The following SMAD5 variants were observed in gnomAD, a reference collection of about 807,000 sequenced individuals.
SMAD5 encodes SMAD family member 5.
A neutral mutation model predicts 43.1 loss-of-function variants in SMAD5; 9 were observed. That is an observed-to-expected ratio of 0.21 (90% CI 0.13 to 0.36). The LOEUF is 0.36. SMAD5 is among the 10% of genes least tolerant of loss of function. The pLI, the probability that SMAD5 is intolerant of heterozygous loss-of-function variation, is 1.00. For synonymous variants in SMAD5, 190 were observed against 192.4 expected (o/e 0.99, Z 0.10); for missense variants, 348 against 574.0 (o/e 0.61, Z 4.02).
At chr5:136,134,753 T>G (rs1386265828) in intron 1 of SMAD5, 1 of 152,262 alleles carries the variant, frequency 6.6e-6, no homozygotes, top group African/African-American at 2.4e-5. Context: ...GTGTGATTGT[T>G]CCTATACAGC....
intron 3 of SMAD5, among the ~76,000 whole-genome samples, chr5:136,155,304 C>G (rs950472725): frequency 6.6e-6 from 1 of 152,154 alleles, no homozygotes; most frequent in Non-Finnish European, 1.5e-5. Flanking sequence ...TACTTAAATC[C>G]TATATTTAAA....
intron 5 of SMAD5, among the ~76,000 whole-genome samples, chr5:136,169,308 C>CT (rs1343589276): frequency 3.9e-5 from 6 of 152,218 alleles, no homozygotes; most frequent in Non-Finnish European, 8.8e-5. Flanking sequence ...ACGCTGGCAG[C>CT]TGATTAGATG....
chr5:136,176,446 ACTCTGTCT>A (rs1418456608), intron 7 of SMAD5, among the ~76,000 whole-genome samples: 1 of 129,086 alleles, frequency 7.7e-6, no homozygotes, highest in African/African-American at 3.2e-5. Flanking sequence ...CAAGAGAGAA[ACTCTGTCT>A]CACAAAAAAA....
intron 5 of SMAD5, among the ~76,000 whole-genome samples, chr5:136,167,440 A>G (rs1448857442): frequency 1.3e-5 from 2 of 152,114 alleles, no homozygotes; most frequent in Non-Finnish European, 2.9e-5. Context: ...ATTCTTTGCC[A>G]TATAAAACTC....
In SMAD5 at chr5:136,153,906, T is replaced by C; in HGVS notation, c.146T>C (p.Met49Thr). ...VKKLKKKKGA[M>T]EELEKALSSP... is the part of the protein sequence containing the mutation. ...AAACTAAAAAAGAAAAAGGGTGCCA[T>C]GGAGGAACTGGAGAAAGCCTTGAGC... Residue 49 changes from methionine to threonine, a missense_variant, in exon 3 of 8, where the codon ATG (methionine) becomes ACG (threonine). By Grantham distance (81) the Met-to-Thr change is moderately conservative. This residue lies in a region of SMAD5 where 39 missense variants were observed against 78.5 expected (regional missense o/e 0.50). Coordinates refer to ENST00000545279, the MANE Select transcript of SMAD5 (RefSeq NM_005903.7). 6.2e-7 allele frequency: 1 copy of C among 1,613,994 alleles called. No homozygotes were observed. Among genetic ancestry groups the C allele is most frequent in the Non-Finnish European group, 8.5e-7 (1 of 1,179,938 alleles).
At chr5:136,136,742 G>A (rs1159290381) in intron 1 of SMAD5, among the ~76,000 whole-genome samples, 1 of 152,056 alleles carries the variant, frequency 6.6e-6, no homozygotes, top group African/African-American at 2.4e-5. Flanking sequence ...TGTCGCCCAG[G>A]CTGGGGTTCA....
chr5:136,145,686 G>A (rs1409919548), intron 1 of SMAD5, among the ~76,000 whole-genome samples: 1 of 151,848 alleles, frequency 6.6e-6, no homozygotes, highest in Non-Finnish European at 1.5e-5. Flanking sequence ...AACTACAGTT[G>A]CCCTTTATTG....
At chr5:136,161,291 T>C (rs1031452405) in intron 4 of SMAD5, among the ~76,000 whole-genome samples, 184 bp downstream of exon 4, 6 of 152,238 alleles carry the variant, frequency 3.9e-5, no homozygotes, top group African/African-American at 1.2e-4. Flanking sequence ...AATTACCGTA[T>C]GTTTAAAAAA....
chr5:136,149,174 T>C (rs1753363891), intron 2 of SMAD5, among the ~76,000 whole-genome samples: 1 of 151,938 alleles, frequency 6.6e-6, no homozygotes, highest in Non-Finnish European at 1.5e-5. Context: ...TAGTTCTTTC[T>C]GTAGCTGTGA....
At chr5:136,144,553 G>A (rs2149762416) in intron 1 of SMAD5, among the ~76,000 whole-genome samples, 1 of 151,352 alleles carries the variant, frequency 6.6e-6, no homozygotes, top group Non-Finnish European at 1.5e-5. Context: ...TGACTTTTTG[G>A]TTTTCTTAGG....
chr5:136,174,513 A>G lies in SMAD5; in HGVS notation c.1135A>G (p.Ser379Gly), dbSNP rs979368392. The G allele has an allele frequency of 1.9e-6, 3 of 1,613,872 alleles. No individual in the cohort carries two copies. The highest frequency in any genetic ancestry group is 2.5e-6 in the Non-Finnish European group (3 of 1,179,858). Residue 379 changes from serine to glycine, a missense_variant, in exon 7 of 8, where the codon AGC becomes GGC. By Grantham distance (56) the Ser-to-Gly change is moderately conservative (BLOSUM62 0). This residue lies in a region of SMAD5 where 97 missense variants were observed against 211.8 expected (regional missense o/e 0.46). Transcript: ENST00000545279. ...TTVCKIPSSC[S>G]LKIFNNQEFA... ...TGTCTGTAAGATTCCCAGCAGCTGC[A>G]GCCTCAAAATTTTTAACAATCAGGA...
intron 5 of SMAD5, among the ~76,000 whole-genome samples, chr5:136,170,431 C>T (rs1754177013): frequency 1.3e-5 from 2 of 151,984 alleles, no homozygotes; most frequent in South Asian, 4.2e-4. Flanking sequence ...CTATTCTGCT[C>T]CTTTGATCTG....
chr5:136,153,566 G>C, intron 2 of SMAD5, 26 bp from the exon 3 acceptor site: 1 of 510,384 alleles, frequency 2.0e-6, no homozygotes, highest in South Asian at 3.5e-5. Flanking sequence ...ATTTAAACTA[G>C]GATCCTTTCC....
chr5:136,163,757 G>T (rs947559090), intron 5 of SMAD5, among the ~76,000 whole-genome samples: 3 of 152,014 alleles, frequency 2.0e-5, no homozygotes, highest in Non-Finnish European at 4.4e-5. Context: ...TTTTTTCAAG[G>T]TTCATCCGTG....
At chr5:136,155,676 T>G (rs1178329058) in intron 3 of SMAD5, among the ~76,000 whole-genome samples, 1 of 152,210 alleles carries the variant, frequency 6.6e-6, no homozygotes, top group Non-Finnish European at 1.5e-5. Flanking sequence ...GTCTACTTAT[T>G]CTCCCCCAGG....
chr5:136,135,074 A>G (rs934981218), intron 1 of SMAD5, among the ~76,000 whole-genome samples: 1 of 152,208 alleles, frequency 6.6e-6, no homozygotes, highest in African/African-American at 2.4e-5. Context: ...TGTCTGGTTC[A>G]CTGTGGTAGG....
intron 5 of SMAD5, 90 bp downstream of exon 5, chr5:136,163,481 A>T (rs1753895861): frequency 9.4e-7 from 1 of 1,064,756 alleles, no homozygotes. Context: ...ATTGAGGTAT[A>T]ATTTATATGC....
rs189549416 is a variant in SMAD5, at chr5:136,170,538, C to G, written c.776-1896C>G. 9.6e-4 allele frequency among the ~76,000 whole-genome samples: 146 copies of G among 152,194 alleles called. 1 individual carries two copies. The highest frequency in any genetic ancestry group is 3.4e-3 in the African/African-American group (143 of 41,536). ...GTCAGTCCTCCGACTTCATTCTTCTCCTTTGATATTGTGTTGGCTATTTTG... is the reference window on the plus strand; with the variant it reads ...GTCAGTCCTCCGACTTCATTCTTCTGCTTTGATATTGTGTTGGCTATTTTG... On this transcript the variant is annotated intron_variant, in intron 5 of 7. Transcript: ENST00000545279.
intron 5 of SMAD5, among the ~76,000 whole-genome samples, chr5:136,170,416 A>G (rs1367244406): frequency 2.0e-5 from 3 of 151,988 alleles, no homozygotes; most frequent in South Asian, 4.2e-4. Flanking sequence ...GTCTATTTCT[A>G]AACTCTATTC....
Sources: gnomAD v4.1 joint callset for allele counts (sites outside exome capture counted in the v4.1 genomes callset) on GRCh38, gnomAD v4.1.1 for gene constraint, gnomAD v4.1.1 regional missense constraint, MANE v1.5 for transcripts, NCBI Gene and HGNC (gene_info 2026-07-23, HGNC 2026-07-21) for gene names.